FBXL17: variants seen among roughly 807,000 people sequenced by gnomAD.
The protein encoded by FBXL17 is F-box and leucine rich repeat protein 17.
FBXL17 carries 22 observed loss-of-function variants against 66.2 expected under a neutral mutation model. The ratio of observed to expected loss-of-function variants is 0.33; its 90% confidence interval spans 0.24 to 0.47. The LOEUF is 0.47. Among genes scored for constraint, FBXL17 ranks in the 20% least tolerant of loss-of-function variants. FBXL17 has a pLI of 1.00. For missense variants in FBXL17, 878 were observed against 948.2 expected, an observed-to-expected ratio of 0.93 and a Z score of 0.97; for synonymous variants, 474 against 400.5, an observed-to-expected ratio of 1.18 and a Z score of -2.19.
At chr5:107,962,561 T>C (rs937934642) in intron 7 of FBXL17, among the ~76,000 whole-genome samples, 2 of 152,268 alleles carry the variant, frequency 1.3e-5, no homozygotes, top group East Asian at 1.9e-4. Context: ...ATTGCTACTA[T>C]CCTGCATGCC....
intron 4 of FBXL17, among the ~76,000 whole-genome samples, chr5:108,270,138 A>G (rs73781310): frequency 0.018 from 2,761 of 152,250 alleles, 86 homozygotes; most frequent in African/African-American, 0.063. Context: ...AAAAGCACCC[A>G]GGAGAGGTAA....
At chr5:108,052,953 T>G (rs2112827146) in intron 6 of FBXL17, among the ~76,000 whole-genome samples, 1 of 152,036 alleles carries the variant, frequency 6.6e-6, no homozygotes, top group African/African-American at 2.4e-5. Flanking sequence ...GGGAAAAAAA[T>G]CTCCTATTCA....
intron 6 of FBXL17, among the ~76,000 whole-genome samples, chr5:108,040,540 T>C (rs1747006163): frequency 6.6e-6 from 1 of 152,154 alleles, no homozygotes; most frequent in Admixed American, 6.5e-5. Context: ...GGTATCCAGA[T>C]GCAAGCATTT....
In FBXL17 at chr5:108,173,411, A is replaced by G. The variant is rs116025480; in HGVS notation, c.1745+12706T>C. On this transcript the variant is annotated intron_variant, in intron 6 of 8. Coordinates refer to ENST00000542267, the MANE Select transcript of FBXL17 (RefSeq NM_001163315.3). The stretch of plus-strand genomic sequence containing the variant: ...CTTAAAGTATAATAATAATAAAATA[A>G]AAAAAAGAAAATAATCCCTAGAGAA... Among the ~76,000 whole-genome samples the G allele has an allele frequency of 8.9e-3, 1,349 of 151,310 alleles. 23 individuals carry two copies. The highest frequency in any genetic ancestry group is 0.03 in the African/African-American group (1,232 of 41,482).
chr5:108,288,797 A>G (rs1181407691), intron 4 of FBXL17, among the ~76,000 whole-genome samples: 2 of 152,046 alleles, frequency 1.3e-5, no homozygotes, highest in Admixed American at 1.3e-4. Context: ...CTCTGTGGAG[A>G]AGACTAAAAA....
chr5:108,294,837 T>C (rs1280196615), intron 4 of FBXL17, among the ~76,000 whole-genome samples: 1 of 152,118 alleles, frequency 6.6e-6, no homozygotes, highest in African/African-American at 2.4e-5. Flanking sequence ...TAAACCTTGT[T>C]ACAGAATGAC....
intron 6 of FBXL17, among the ~76,000 whole-genome samples, chr5:108,091,623 T>C (rs1393569586): frequency 1.3e-5 from 2 of 152,230 alleles, no homozygotes; most frequent in Non-Finnish European, 2.9e-5. Flanking sequence ...TTGTTACATA[T>C]GTTTCTTGAG....
At chr5:107,921,368 T>C (rs1251218294) in intron 7 of FBXL17, among the ~76,000 whole-genome samples, 3 of 152,186 alleles carry the variant, frequency 2.0e-5, no homozygotes, top group East Asian at 1.9e-4. Context: ...ATATATCCCA[T>C]ACATTCCATA....
chr5:108,061,367 A>G (rs1240702622), intron 6 of FBXL17, among the ~76,000 whole-genome samples: 1 of 152,112 alleles, frequency 6.6e-6, no homozygotes, highest in African/African-American at 2.4e-5. Flanking sequence ...CATTTCTCTT[A>G]GTACCAATGA....
rs1011511468 is a variant in FBXL17, at chr5:107,860,306, C to T, written c.*1414G>A. 6.5e-6 allele frequency: 1 copy of T among 152,712 alleles called. No individual in the cohort carries two copies. Among genetic ancestry groups the T allele is most frequent in the South Asian group, 2.1e-4 (1 of 4,824 alleles). The allele number at this position is 152,712 out of a possible 1,614,324, so 9.5% of individuals were successfully genotyped here. ...TCACTCAGGGAAAAATAAATAGCAA[C>T]TTCACAAGTTAGGGTTTTGTTTCTA... On this transcript the variant is annotated 3_prime_UTR_variant, in exon 9 of 9. Coordinates refer to ENST00000542267, the MANE Select transcript of FBXL17 (RefSeq NM_001163315.3).
intron 7 of FBXL17, among the ~76,000 whole-genome samples, chr5:108,004,277 T>C (rs987467321): frequency 3.9e-5 from 6 of 152,172 alleles, no homozygotes; most frequent in Admixed American, 3.9e-4. Context: ...GAAAGCCTCA[T>C]ACATTTCAGT....
chr5:108,212,628 A>C (rs1754427697), intron 5 of FBXL17, among the ~76,000 whole-genome samples: 1 of 152,120 alleles, frequency 6.6e-6, no homozygotes, highest in Admixed American at 6.6e-5. Context: ...GTTTGCCTGG[A>C]TATCACCAGC....
At chr5:108,274,561 A>T (rs918121782) in intron 4 of FBXL17, among the ~76,000 whole-genome samples, 6 of 152,194 alleles carry the variant, frequency 3.9e-5, no homozygotes, top group Admixed American at 1.3e-4. Flanking sequence ...CAATTATTAC[A>T]GGGTCCTGAG....
rs181830696 is a variant in FBXL17 at position 107,941,660 on chromosome 5, C to T, written c.1823-60481G>A. The stretch of plus-strand genomic sequence containing the variant: ...TAACACAAGACTTGGTGACTAAGGA[C>T]GGATATAATCCTGATCCCACGTTAG... On this transcript the variant is annotated intron_variant, in intron 7 of 8. Transcript: ENST00000542267. Among the ~76,000 whole-genome samples the T allele has an allele frequency of 1.3e-3, 195 of 152,230 alleles. 2 individuals carry two copies. Among genetic ancestry groups the T allele is most frequent in the African/African-American group, 4.4e-3 (183 of 41,548 alleles).
At chr5:107,955,470 G>C (rs1267392906) in intron 7 of FBXL17, among the ~76,000 whole-genome samples, 2 of 152,158 alleles carry the variant, frequency 1.3e-5, no homozygotes, top group African/African-American at 4.8e-5. Flanking sequence ...TGCAATCACA[G>C]TAGAGGCAGC....
intron 7 of FBXL17, among the ~76,000 whole-genome samples, chr5:107,948,445 C>G (rs763926206): frequency 6.6e-6 from 1 of 152,174 alleles, no homozygotes; most frequent in Non-Finnish European, 1.5e-5. Context: ...AACTCTGTAA[C>G]AGACCTCGAA....
At chr5:107,991,090 TG>T (rs1232612517) in intron 7 of FBXL17, among the ~76,000 whole-genome samples, 3 of 152,138 alleles carry the variant, frequency 2.0e-5, no homozygotes, top group Non-Finnish European at 4.4e-5. Context: ...AACAGAAAAC[TG>T]TAGGGGTAAT....
chr5:108,057,396 T>A (rs1315208029), intron 6 of FBXL17, among the ~76,000 whole-genome samples: 2 of 152,166 alleles, frequency 1.3e-5, no homozygotes, highest in Non-Finnish European at 2.9e-5. Context: ...TTAAAGACAG[T>A]TTCCCAGAGT....
intron 4 of FBXL17, among the ~76,000 whole-genome samples, chr5:108,247,430 C>T (rs538815899): frequency 6.6e-6 from 1 of 152,176 alleles, no homozygotes; most frequent in East Asian, 1.9e-4. Flanking sequence ...CTAGACAGCA[C>T]TATTAACAGT....
Sources: allele counts gnomAD v4.1 joint callset (sites outside exome capture counted in the v4.1 genomes callset), GRCh38; gene constraint gnomAD v4.1.1; transcripts MANE v1.5; gene names NCBI Gene and HGNC (gene_info 2026-07-23, HGNC 2026-07-21).